SLC2A14: variants seen among roughly 807,000 people sequenced by gnomAD.
The protein encoded by SLC2A14 is solute carrier family 2, facilitated glucose transporter member 14.
A neutral mutation model predicts 43.0 loss-of-function variants in SLC2A14; 13 were observed. The ratio of observed to expected loss-of-function variants is 0.30; its 90% CI spans 0.20 to 0.48. SLC2A14 has a LOEUF of 0.48. Ranked by LOEUF, SLC2A14 falls within the 20% of genes least tolerant of loss-of-function variation. The pLI, the probability that SLC2A14 is intolerant of heterozygous loss-of-function variation, is 0.99. For synonymous variants in SLC2A14, 190 were observed against 233.8 expected, an observed-to-expected ratio of 0.81 and a Z score of 1.71; for missense variants, 428 against 620.4, an observed-to-expected ratio of 0.69 and a Z score of 3.29.
upstream of SLC2A14, among the ~76,000 whole-genome samples, chr12:7,875,820 C>G (rs1264491960): frequency 1.3e-5 from 2 of 151,918 alleles, no homozygotes; most frequent in African/African-American, 4.8e-5. Flanking sequence ...ACTAAAAATA[C>G]AAAAAATTAG....
At chr12:7,841,113 T>A (rs1434521059) in intron 2 of SLC2A14, among the ~76,000 whole-genome samples, 1 of 152,132 alleles carries the variant, frequency 6.6e-6, no homozygotes, top group African/African-American at 2.4e-5. Context: ...TTTCGCTTTG[T>A]TTTTTAATTA....
chr12:7,840,427 TG>T (rs956546439), intron 2 of SLC2A14, among the ~76,000 whole-genome samples: 14 of 152,238 alleles, frequency 9.2e-5, no homozygotes, highest in Admixed American at 8.5e-4. Context: ...TCGCCTAGTC[TG>T]GAGTGCAATG....
upstream of SLC2A14, among the ~76,000 whole-genome samples, chr12:7,874,820 AT>A: frequency 1.0e-5 from 1 of 96,474 alleles, no homozygotes; most frequent in African/African-American, 3.4e-5. Context: ...ACGTATTTAT[AT>A]ATAAATTATA....
chr12:7,873,082 T>G (rs7309061), upstream of SLC2A14: 1 of 985,290 alleles, frequency 1.0e-6, no homozygotes, highest in Non-Finnish European at 1.2e-6. Flanking sequence ...GCTTCTCACC[T>G]GCGCACCGCA....
intron 2 of SLC2A14, among the ~76,000 whole-genome samples, chr12:7,865,982 C>T (rs1357959523): frequency 3.3e-5 from 5 of 152,042 alleles, no homozygotes; most frequent in East Asian, 1.9e-4. Context: ...TTTGGGAGGC[C>T]GAGGCGGGTG....
chr12:7,878,998 A>AAC (rs1945516726), intron 1 of SLC2A14, among the ~76,000 whole-genome samples: 1 of 133,970 alleles, frequency 7.5e-6, no homozygotes. Context: ...AAAAAAAAAA[A>AAC]AAAAAAACAA....
chr12:7,817,637 G>C (rs1863568003), intron 10 of SLC2A14, among the ~76,000 whole-genome samples, 194 bp downstream of exon 10: 1 of 151,948 alleles, frequency 6.6e-6, no homozygotes, highest in Non-Finnish European at 1.5e-5. Context: ...CACGGTGGCG[G>C]GTGCCTGTAG....
At chr12:7,887,772 A>T (rs765792716) in intron 1 of SLC2A14, among the ~76,000 whole-genome samples, 3 of 152,282 alleles carry the variant, frequency 2.0e-5, no homozygotes, top group African/African-American at 7.2e-5. Context: ...TTATTCAAGA[A>T]GTCTCCCAAC....
At chr12:7,861,961 C>CAAAA (rs398018322) in intron 2 of SLC2A14, among the ~76,000 whole-genome samples, 12 of 132,220 alleles carry the variant, frequency 9.1e-5, no homozygotes, top group Non-Finnish European at 6.4e-5. Flanking sequence ...GACTCCATTT[C>CAAAA]AAAAAAAAAA....
rs1186918010 is a variant in SLC2A14, at chr12:7,831,752, A to G, written c.124T>C (p.Phe42Leu). ...INAPETIIKE[F>L]INKTLTDKAN... is the part of the protein sequence containing the mutation. ...TTGTCCGTCAAAGTTTTATTGATAAATTCCTTTATGATCTGCAAAATAAAA... is the reference window on the plus strand; with the variant it reads ...TTGTCCGTCAAAGTTTTATTGATAAGTTCCTTTATGATCTGCAAAATAAAA... The change falls in exon 4 of 11, where the codon TTT becomes CTT. Residue 42 changes from phenylalanine to leucine, a missense_variant. Around this residue, in one of 4 missense-constraint regions of SLC2A14, gnomAD observed 122 missense variants for 128.8 expected, o/e 0.95. Coordinates refer to ENST00000431042, the MANE Select transcript of SLC2A14 (RefSeq NM_001286234.2). 6 of 1,614,144 alleles carry G rather than the reference A, an allele frequency of 3.7e-6. No individual in the cohort carries two copies. The highest frequency in any genetic ancestry group is 4.2e-6 in the Non-Finnish European group (5 of 1,180,062).
At chr12:7,853,789 G>A (rs1430164134) in intron 2 of SLC2A14, among the ~76,000 whole-genome samples, 3 of 152,118 alleles carry the variant, frequency 2.0e-5, no homozygotes, top group African/African-American at 7.2e-5. Flanking sequence ...AGGTCATGAA[G>A]AACAGCTGGA....
At chr12:7,882,300 T>C (rs189789521) in intron 1 of SLC2A14, among the ~76,000 whole-genome samples, 24 of 151,842 alleles carry the variant, frequency 1.6e-4, no homozygotes, top group Admixed American at 1.5e-3. Flanking sequence ...GCAGGTTCAC[T>C]CCTGAGTCAG....
In SLC2A14 at chr12:7,837,609, A is replaced by G. The variant is rs144275969; in HGVS notation, c.19-4795T>C. ...GCCGAGCTTGCACCATTGCACTCCAACTTGGGCAACAAGAGTGAAACTTCG... is the reference window on the plus strand; with the variant it reads ...GCCGAGCTTGCACCATTGCACTCCAGCTTGGGCAACAAGAGTGAAACTTCG... On this transcript the variant is annotated intron_variant, in intron 2 of 10. Transcript: ENST00000431042. Among the ~76,000 whole-genome samples the G allele has an allele frequency of 2.2e-3, 311 of 143,170 alleles. 1 individual carries two copies. Among genetic ancestry groups the G allele is most frequent in the African/African-American group, 7.8e-3 (296 of 37,890 alleles). 93.9% of individuals were successfully genotyped at this position (143,170 alleles called of 152,430 possible).
upstream of SLC2A14, among the ~76,000 whole-genome samples, chr12:7,875,839 A>T (rs1945454689): frequency 6.6e-6 from 1 of 152,036 alleles, no homozygotes; most frequent in Non-Finnish European, 1.5e-5. Context: ...AGCCGGGTGC[A>T]GTGGCGCATG....
intron 2 of SLC2A14, among the ~76,000 whole-genome samples, chr12:7,850,177 G>A (rs1866810463): frequency 6.6e-6 from 1 of 152,090 alleles, no homozygotes; most frequent in Non-Finnish European, 1.5e-5. Flanking sequence ...GAGCATTTCA[G>A]TAAGGTGGAA....
chr12:7,817,776 A>C (rs1592141121), intron 10 of SLC2A14, 55 bp downstream of exon 10: 2 of 1,587,750 alleles, frequency 1.3e-6, no homozygotes, highest in South Asian at 1.1e-5. Context: ...AGATAGATAG[A>C]TAGACAGATA....
chr12:7,875,207 A>AAT (rs1314344971), upstream of SLC2A14, among the ~76,000 whole-genome samples: 75 of 128,692 alleles, frequency 5.8e-4, 3 homozygotes, highest in South Asian at 0.014. Flanking sequence ...AAATATATTT[A>AAT]TATTTATATA....
upstream of SLC2A14, among the ~76,000 whole-genome samples, chr12:7,874,738 AAAAT>A (rs1205606225): frequency 7.9e-4 from 3 of 3,774 alleles, no homozygotes; most frequent in East Asian, 3.5e-3. Flanking sequence ...AAAATATATA[AAAAT>A]ATATATAAAT....
At chr12:7,846,841 C>T in intron 2 of SLC2A14, among the ~76,000 whole-genome samples, 1 of 151,302 alleles carries the variant, frequency 6.6e-6, no homozygotes, top group East Asian at 2.0e-4. Flanking sequence ...ACTGTGTTGG[C>T]CAGGCTGGTC....
Sources: gnomAD v4.1 joint callset for allele counts (sites outside exome capture counted in the v4.1 genomes callset) on GRCh38, gnomAD v4.1.1 for gene constraint, gnomAD v4.1.1 regional missense constraint, MANE v1.5 for transcripts, NCBI Gene and HGNC (gene_info 2026-07-23, HGNC 2026-07-21) for gene names.